The following ST18 variants were observed in gnomAD, a reference collection of about 807,000 sequenced individuals.
ST18 encodes suppression of tumorigenicity 18 protein.
In ST18, 50 loss-of-function variants were observed where a neutral mutation model predicts 110.0. That is an observed-to-expected ratio of 0.45 (90% CI 0.36 to 0.58). The LOEUF (loss-of-function observed/expected upper bound fraction) is 0.58. Among genes scored for constraint, ST18 ranks in the 20% least tolerant of loss-of-function variants. The pLI, the probability that ST18 is intolerant of heterozygous loss-of-function variation, is 0.00. For synonymous variants in ST18, 461 were observed against 452.4 expected (o/e 1.02, Z -0.24); for missense variants, 1,306 against 1,280.1 (o/e 1.02, Z -0.31).
chr8:52,388,958 A>T (rs1838127012), intron 2 of ST18, among the ~76,000 whole-genome samples: 1 of 130,564 alleles, frequency 7.7e-6, no homozygotes, highest in African/African-American at 2.6e-5. Flanking sequence ...TAAAACTTAA[A>T]GTATAATAAT....
chr8:52,138,487 G>T (rs748522509), intron 17 of ST18, among the ~76,000 whole-genome samples: 15 of 152,182 alleles, frequency 9.9e-5, no homozygotes, highest in Admixed American at 2.0e-4. Context: ...AGGAAACTGA[G>T]GCAGGAGGAT....
At chr8:52,205,115 A>ACACG (rs537468797) in intron 8 of ST18, among the ~76,000 whole-genome samples, 1 of 149,902 alleles carries the variant, frequency 6.7e-6, no homozygotes, top group African/African-American at 2.4e-5. Flanking sequence ...ACACACACAC[A>ACACG]CTATGCTTTA....
chr8:52,162,539 C>T (rs1490129932), intron 13 of ST18, among the ~76,000 whole-genome samples: 1 of 152,126 alleles, frequency 6.6e-6, no homozygotes, highest in Non-Finnish European at 1.5e-5. Flanking sequence ...CTTTAAATGG[C>T]ACTTCAATAT....
intron 2 of ST18, among the ~76,000 whole-genome samples, chr8:52,367,673 A>G (rs979716624): frequency 1.3e-5 from 2 of 152,192 alleles, no homozygotes; most frequent in African/African-American, 2.4e-5. Context: ...CCATACACCA[A>G]TTAGGGTTTG....
At chr8:52,369,914 C>T (rs536635080) in intron 2 of ST18, among the ~76,000 whole-genome samples, 1 of 152,128 alleles carries the variant, frequency 6.6e-6, no homozygotes, top group Admixed American at 6.5e-5. Context: ...CCTGAAAATG[C>T]TCTGGAGGGG....
At chr8:52,346,220 A>G (rs1003592554) in intron 2 of ST18, among the ~76,000 whole-genome samples, 12 of 151,242 alleles carry the variant, frequency 7.9e-5, no homozygotes, top group African/African-American at 2.9e-4. Context: ...TTAAACGAAA[A>G]TAAGAGGACT....
intron 19 of ST18, among the ~76,000 whole-genome samples, chr8:52,135,126 A>G (rs1271492395): frequency 6.6e-6 from 1 of 152,216 alleles, no homozygotes; most frequent in Non-Finnish European, 1.5e-5. Context: ...AGAGCAATTC[A>G]GTAAGATGTT....
chr8:52,137,345 A>C, intron 18 of ST18, 76 bp downstream of exon 18: 1 of 1,492,002 alleles, frequency 6.7e-7, no homozygotes, highest in Non-Finnish European at 9.3e-7. Context: ...TAATACATGG[A>C]TAGAAAGGGT....
chr8:52,152,607 G>A (rs1274272791), intron 15 of ST18, among the ~76,000 whole-genome samples: 1 of 152,168 alleles, frequency 6.6e-6, no homozygotes, highest in Non-Finnish European at 1.5e-5. Context: ...TATTGAGAAA[G>A]TACTTCATAT....
intron 22 of ST18, among the ~76,000 whole-genome samples, chr8:52,130,580 G>A (rs1466423739): frequency 1.3e-5 from 2 of 152,168 alleles, no homozygotes; most frequent in African/African-American, 2.4e-5. Flanking sequence ...GAGATCCTCC[G>A]GGCATAAGTC....
intron 23 of ST18, among the ~76,000 whole-genome samples, chr8:52,118,822 C>T (rs181450045): frequency 6.6e-5 from 10 of 152,092 alleles, no homozygotes; most frequent in Non-Finnish European, 8.8e-5. Context: ...GAATCACTGA[C>T]AGAAGTTAAA....
At chr8:52,136,180 T>C (rs2052176032) in intron 19 of ST18, among the ~76,000 whole-genome samples, 1 of 152,212 alleles carries the variant, frequency 6.6e-6, no homozygotes, top group Non-Finnish European at 1.5e-5. Context: ...TTGGGTGTTT[T>C]TGGCACCCAA....
rs1352801218 is a variant in ST18 at position 52,133,108 on chromosome 8, C to T, written c.2393G>A (p.Gly798Asp). The T allele has an allele frequency of 6.2e-7, 1 of 1,614,164 alleles. No homozygotes were observed. The highest frequency in any genetic ancestry group is 1.7e-5 in the Admixed American group (1 of 60,004). ...CTTGGTAGGGGTCATTTTGACACCACCTTTCCTTGCACGAGGGCATCCGGA... is the reference window on the plus strand; with the variant it reads ...CTTGGTAGGGGTCATTTTGACACCATCTTTCCTTGCACGAGGGCATCCGGA... ...SLSGCPRARKGGVKMTPTKEE... is the reference protein window; with the variant it reads ...SLSGCPRARKDGVKMTPTKEE... The change falls in exon 21 of 26, where the codon GGT becomes GAT. Residue 798 changes from glycine to aspartate, a missense_variant. Physicochemically the swap from Gly to Asp is moderately conservative, Grantham distance 94. Coordinates refer to ENST00000689386, the MANE Select transcript of ST18 (RefSeq NM_001352837.2).
intron 2 of ST18, among the ~76,000 whole-genome samples, chr8:52,282,978 A>G (rs974334344): frequency 5.3e-5 from 8 of 152,208 alleles, no homozygotes; most frequent in African/African-American, 1.9e-4. Context: ...CGAAGGGTAC[A>G]TAAGAAAACA....
At chr8:52,340,507 T>C (rs1299439875) in intron 2 of ST18, among the ~76,000 whole-genome samples, 1 of 152,248 alleles carries the variant, frequency 6.6e-6, no homozygotes, top group East Asian at 1.9e-4. Context: ...CACATTTTAA[T>C]GTTTCAAAAA....
chr8:52,227,576 G>A (rs2089924849), intron 3 of ST18, among the ~76,000 whole-genome samples: 1 of 152,128 alleles, frequency 6.6e-6, no homozygotes, highest in Non-Finnish European at 1.5e-5. Context: ...ATGCATTAAA[G>A]CCATATTTTT....
chr8:52,200,245 A>G (rs1170274898), intron 8 of ST18, among the ~76,000 whole-genome samples: 3 of 152,250 alleles, frequency 2.0e-5, no homozygotes, highest in African/African-American at 4.8e-5. Context: ...TCAAAAGGTG[A>G]CAAATTTTTT....
intron 12 of ST18, 60 bp from the exon 13 acceptor site, chr8:52,164,150 G>T (rs2062212274): frequency 1.4e-6 from 2 of 1,434,104 alleles, no homozygotes; most frequent in Admixed American, 1.7e-5. Flanking sequence ...ATTTGTTTTG[G>T]CATGTGCCTC....
chr8:52,113,625 A>G (rs1159587760), intron 25 of ST18, among the ~76,000 whole-genome samples: 1 of 152,042 alleles, frequency 6.6e-6, no homozygotes, highest in African/African-American at 2.4e-5. Context: ...AAACTTTTCT[A>G]CTTCTCTTGG....
Sources: gnomAD v4.1 joint callset for allele counts (sites outside exome capture counted in the v4.1 genomes callset) on GRCh38, gnomAD v4.1.1 for gene constraint, MANE v1.5 for transcripts, NCBI Gene and HGNC (gene_info 2026-07-23, HGNC 2026-07-21) for gene names.